Variants in HS6ST2 observed in about 807,000 individuals in gnomAD.
The protein encoded by HS6ST2 is heparan sulfate 6-O-sulfotransferase 2.
A neutral mutation model predicts 33.0 loss-of-function variants in HS6ST2; 17 were observed. The ratio of observed to expected loss-of-function variants is 0.52; its 90% confidence interval spans 0.35 to 0.77. The LOEUF is 0.77. Among genes scored for constraint, HS6ST2 ranks in the 30% least tolerant of loss-of-function variants. The pLI is 0.01. For synonymous variants in HS6ST2, 248 were observed against 237.1 expected, an observed-to-expected ratio of 1.05 and a Z score of -0.42; for missense variants, 519 against 551.7, an observed-to-expected ratio of 0.94 and a Z score of 0.59.
intron 2 of HS6ST2, among the ~76,000 whole-genome samples, chrX:132,915,313 G>C (rs1254924281): frequency 8.9e-6 from 1 of 112,636 alleles, no homozygotes; most frequent in African/African-American, 3.2e-5. Flanking sequence ...ATGACACGGG[G>C]TTTCTGGGAT....
At chrX:132,939,583 C>T (rs1212318033) in intron 2 of HS6ST2, among the ~76,000 whole-genome samples, 1 of 111,282 alleles carries the variant, frequency 9.0e-6, no homozygotes, top group East Asian at 2.8e-4. Context: ...CGAGATTGCA[C>T]CACCGCACTC....
chrX:132,866,794 G>A (rs1194746675), intron 2 of HS6ST2, among the ~76,000 whole-genome samples: 1 of 92,487 alleles, frequency 1.1e-5, no homozygotes, highest in Non-Finnish European at 2.1e-5. Context: ...TGTTGTTGGT[G>A]TATAAGAATG....
chrX:132,905,078 T>A, intron 2 of HS6ST2, among the ~76,000 whole-genome samples: 1 of 111,928 alleles, frequency 8.9e-6, no homozygotes, highest in Non-Finnish European at 1.9e-5. Context: ...TTTATTTATT[T>A]ATTTATTTTT....
chrX:132,939,983 A>G (rs1445032937), intron 2 of HS6ST2, among the ~76,000 whole-genome samples: 1 of 112,155 alleles, frequency 8.9e-6, no homozygotes, highest in Middle Eastern at 4.2e-3. Flanking sequence ...GGTGCCAAGA[A>G]TAGCCAAAAC....
rs757101973 is a variant in HS6ST2, at chrX:132,629,216, T to A, written c.1068-123A>T. ...GAAGGCAAAGCAAAAATGACAGGGA[T>A]CTGATGGCATTTGTCCTGTAAACTG... On this transcript the variant is annotated intron_variant, in intron 4 of 4. Coordinates refer to ENST00000370833, the MANE Select transcript of HS6ST2 (RefSeq NM_001394073.1). The A allele has an allele frequency of 1.2e-5, 9 of 736,832 alleles. No individual in the cohort carries two copies. In the East Asian group the frequency reaches 1.4e-4, roughly 11 times the overall value. 60.7% of individuals were successfully genotyped at this position (736,832 alleles called of 1,213,427 possible). A position where few individuals can be genotyped will look rare whatever the true frequency, so the allele number is the denominator to read the frequency against.
intron 3 of HS6ST2, among the ~76,000 whole-genome samples, chrX:132,688,866 T>G: frequency 8.9e-6 from 1 of 112,326 alleles, no homozygotes. Flanking sequence ...AATTCTTAGA[T>G]CTAAGCTCTA....
At chrX:132,916,649 C>A (rs929450178) in intron 2 of HS6ST2, among the ~76,000 whole-genome samples, 6 of 112,247 alleles carry the variant, frequency 5.3e-5, no homozygotes, top group Non-Finnish European at 1.1e-4. Context: ...AGTCTTCCAG[C>A]TTTCATCTTT....
chrX:132,666,562 G>A (rs2063811676), intron 4 of HS6ST2, among the ~76,000 whole-genome samples: 1 of 111,437 alleles, frequency 9.0e-6, no homozygotes, highest in Non-Finnish European at 1.9e-5. Flanking sequence ...CCTGTTTCAT[G>A]AGCTTTTGGT....
At chrX:132,877,055 T>C (rs988468552) in intron 2 of HS6ST2, among the ~76,000 whole-genome samples, 6 of 112,067 alleles carry the variant, frequency 5.4e-5, no homozygotes, top group East Asian at 2.8e-4. Flanking sequence ...AGCTGAGAAG[T>C]TGGAACTAAC....
At chrX:132,744,983 G>A (rs1044250494) in intron 2 of HS6ST2, among the ~76,000 whole-genome samples, 4 of 112,052 alleles carry the variant, frequency 3.6e-5, no homozygotes, top group African/African-American at 9.7e-5. Context: ...AGATTCAGGC[G>A]TTACATGTAC....
rs2067022377 is a variant in HS6ST2 at position 132,952,193 on chromosome X, T to C, written c.947+4615A>G. Among the ~76,000 whole-genome samples the C allele has an allele frequency of 2.7e-5, 3 of 112,046 alleles. No homozygotes were observed. In the South Asian group the frequency reaches 1.1e-3, roughly 42 times the overall value. ...TTGTACTACCTGAGAACTTACAGCTTTGTAAGGACTCCAACACCATGTTCG... is the reference window on the plus strand; with the variant it reads ...TTGTACTACCTGAGAACTTACAGCTCTGTAAGGACTCCAACACCATGTTCG... On this transcript the variant is annotated intron_variant, in intron 2 of 4. Coordinates refer to ENST00000370833, the MANE Select transcript of HS6ST2 (RefSeq NM_001394073.1).
At chrX:132,712,017 T>TA (rs2064235119) in intron 2 of HS6ST2, among the ~76,000 whole-genome samples, 1 of 111,464 alleles carries the variant, frequency 9.0e-6, no homozygotes. Context: ...AGGAAGTTGT[T>TA]AAGAAACCCA....
chrX:132,850,870 T>A (rs1437757321), intron 2 of HS6ST2, among the ~76,000 whole-genome samples: 2 of 111,670 alleles, frequency 1.8e-5, no homozygotes, highest in Non-Finnish European at 3.8e-5. Context: ...GAGCAACTTC[T>A]CAAGCACTAG....
intron 2 of HS6ST2, among the ~76,000 whole-genome samples, chrX:132,874,708 G>A (rs1177064384): frequency 8.9e-6 from 1 of 112,120 alleles, no homozygotes; most frequent in East Asian, 2.8e-4. Context: ...CAGTAATGAT[G>A]AGAAGTCTCT....
intron 2 of HS6ST2, among the ~76,000 whole-genome samples, chrX:132,841,628 G>A (rs1300589902): frequency 1.8e-5 from 2 of 111,607 alleles, no homozygotes; most frequent in Non-Finnish European, 3.8e-5. Context: ...TATAAAATGG[G>A]GAGGCCCTAC....
intron 2 of HS6ST2, among the ~76,000 whole-genome samples, chrX:132,858,661 T>C (rs2065877873): frequency 2.7e-5 from 3 of 112,106 alleles, no homozygotes. Context: ...CAGACAAGTT[T>C]AGAAAAAGGG....
Position 132,632,984 on chromosome X carries a change from G to T in HS6ST2, c.1068-3891C>A, listed in dbSNP as rs746465266. Among the ~76,000 whole-genome samples, 16 of 107,497 alleles carry T rather than the reference G, an allele frequency of 1.5e-4. No individual in the cohort carries two copies. In the South Asian group the frequency reaches 6.8e-3, roughly 46 times the overall value. 93.3% of individuals were successfully genotyped at this position (107,497 alleles called of 115,157 possible). A position where few individuals can be genotyped will look rare whatever the true frequency, so the allele number is the denominator to read the frequency against. On this transcript the variant is annotated intron_variant, in intron 4 of 4. Transcript: ENST00000370833. ...TCAGCTACTAGGGAGGCTGAGGCGAGAGGATCACTTGAGCCTAGGAGGTAG... is the reference window on the plus strand; with the variant it reads ...TCAGCTACTAGGGAGGCTGAGGCGATAGGATCACTTGAGCCTAGGAGGTAG...
intron 2 of HS6ST2, chrX:132,735,280 CATT>C (rs1190868715): frequency 9.0e-6 from 1 of 111,053 alleles, no homozygotes; most frequent in South Asian, 3.9e-4. Context: ...CCAGAATCAT[CATT>C]GTCACACTGA....
intron 2 of HS6ST2, among the ~76,000 whole-genome samples, chrX:132,859,413 G>C (rs2065886335): frequency 9.0e-6 from 1 of 110,946 alleles, no homozygotes; most frequent in South Asian, 3.8e-4. Flanking sequence ...AGGAAAAGCA[G>C]AAGTAGCTGA....
Sources: allele counts gnomAD v4.1 joint callset (sites outside exome capture counted in the v4.1 genomes callset), GRCh38; gene constraint gnomAD v4.1.1; transcripts MANE v1.5; gene names NCBI Gene and HGNC (gene_info 2026-07-23, HGNC 2026-07-21).